Variants in C3orf22 observed in about 807,000 individuals in gnomAD.
C3orf22 encodes uncharacterized protein C3orf22.
Under a neutral mutation model 10.8 loss-of-function variants are expected in C3orf22, and 7 were observed. That is an observed-to-expected ratio of 0.65 (90% CI 0.37 to 1.22). The LOEUF is 1.22. Among genes scored for constraint, C3orf22 ranks in the 50% most tolerant of loss-of-function variants. The pLI, the probability that C3orf22 is intolerant of heterozygous loss-of-function variation, is 0.02. For synonymous variants in C3orf22, 79 were observed against 78.9 expected (o/e 1.00, Z 0.00); for missense variants, 173 against 177.0 (o/e 0.98, Z 0.13).
At chr3:126,531,211 A>G (rs142015919) in intron 4 of C3orf22, among the ~76,000 whole-genome samples, 13 of 152,302 alleles carry the variant, frequency 8.5e-5, no homozygotes, top group African/African-American at 1.9e-4. Context: ...CCACCCCCCA[A>G]CCTACTGGAC....
At chr3:126,551,922 G>A in intron 3 of C3orf22, 75 bp downstream of exon 3, 2 of 1,499,842 alleles carry the variant, frequency 1.3e-6, no homozygotes, top group South Asian at 1.3e-5. Flanking sequence ...ACGTCTGCAT[G>A]CAAAACTGGG....
chr3:126,529,113 A>C (rs1335730851), intron 5 of C3orf22: 1 of 394,426 alleles, frequency 2.5e-6, no homozygotes. Flanking sequence ...ATCCCCCTAC[A>C]TGATGGCTGT....
At chr3:126,541,721 T>G (rs777485794) in intron 4 of C3orf22, 1 of 1,444,788 alleles carries the variant, frequency 6.9e-7, no homozygotes, top group Non-Finnish European at 9.1e-7. Context: ...TCCCGTCTCC[T>G]GTCGCCCACA....
chr3:126,541,724 C>G (rs968965509), intron 4 of C3orf22: 159 of 1,446,522 alleles, frequency 1.1e-4, no homozygotes, highest in Non-Finnish European at 1.4e-4. Flanking sequence ...CGTCTCCTGT[C>G]GCCCACAGGA....
At chr3:126,542,892 C>A (rs1560145100) in intron 4 of C3orf22, 1 of 241,566 alleles carries the variant, frequency 4.1e-6, no homozygotes, top group Non-Finnish European at 7.9e-6. Context: ...CTTTTAAAGG[C>A]CATTTTGGGG....
chr3:126,534,891 C>T (rs1439778095), intron 4 of C3orf22, among the ~76,000 whole-genome samples: 1 of 151,348 alleles, frequency 6.6e-6, no homozygotes, highest in African/African-American at 2.4e-5. Flanking sequence ...TCCCTGTCCC[C>T]AGCCGGGAGA....
exon 5 of C3orf22, chr3:126,529,157 T>C: frequency 4.0e-6 from 2 of 501,174 alleles, no homozygotes; most frequent in Non-Finnish European, 7.0e-6. Flanking sequence ...AGCCCTGCTT[T>C]GGCTGAGGTG....
chr3:126,529,152 T>C (rs1206612257), exon 5 of C3orf22: 1 of 488,430 alleles, frequency 2.0e-6, no homozygotes, highest in African/African-American at 2.2e-5. Flanking sequence ...GCGCGAGCCC[T>C]GCTTTGGCTG....
At chr3:126,548,668 G>C (rs1045498666), downstream of C3orf22, among the ~76,000 whole-genome samples, 1 of 152,186 alleles carries the variant, frequency 6.6e-6, no homozygotes, top group Admixed American at 6.5e-5. Flanking sequence ...GGTCCCACCT[G>C]GGGAGGGAGC....
rs1294578031 is a variant in C3orf22 at position 126,549,807 on chromosome 3, C to A, written c.*61G>T. On this transcript the variant is annotated 3_prime_UTR_variant, in exon 4 of 4. Transcript: ENST00000318225. ...CCCTTTACTAAAGTCTCTGTGGCTACTGCCCAGAGCCTGCCAAGGAGAAGG... is the reference window on the plus strand; with the variant it reads ...CCCTTTACTAAAGTCTCTGTGGCTAATGCCCAGAGCCTGCCAAGGAGAAGG... 106 of 1,550,862 alleles carry A rather than the reference C, an allele frequency of 6.8e-5. No individual in the cohort carries two copies. Among genetic ancestry groups the A allele is most frequent in the Non-Finnish European group, 1.7e-6 (2 of 1,150,126 alleles).
At chr3:126,536,296 C>T in intron 4 of C3orf22, 1 of 1,614,036 alleles carries the variant, frequency 6.2e-7, no homozygotes, top group South Asian at 1.1e-5. Flanking sequence ...CCCTGGGCTC[C>T]AGCTGGCTTG....
downstream of C3orf22, among the ~76,000 whole-genome samples, chr3:126,547,799 C>T (rs1458117059): frequency 6.6e-6 from 1 of 152,146 alleles, no homozygotes; most frequent in Non-Finnish European, 1.5e-5. Flanking sequence ...CAGTACACCC[C>T]AGGGGACAGG....
At chr3:126,556,520 T>C (rs1937333389) in intron 1 of C3orf22, among the ~76,000 whole-genome samples, 2 of 151,218 alleles carry the variant, frequency 1.3e-5, no homozygotes, top group African/African-American at 2.4e-5. Flanking sequence ...CAGGGCCTGC[T>C]TGGGGACTGC....
rs1340465489 is a variant in C3orf22, at chr3:126,542,143, G to A, written c.286+7394C>T. The A allele has an allele frequency of 6.4e-6, 10 of 1,560,874 alleles. No individual in the cohort carries two copies. The Admixed American group carries it at 1.6e-4, about 25-fold the overall frequency. On this transcript the variant is annotated intron_variant and NMD_transcript_variant, in intron 4 of 5. Transcript: ENST00000505070. Reference sequence around the variant, plus strand: ...CGCGCCCCTACAGCGCCGCCTTCCAGAGGCGCTACGGTGCACGCATCGTTC... The same window carrying A: ...CGCGCCCCTACAGCGCCGCCTTCCAAAGGCGCTACGGTGCACGCATCGTTC...
At chr3:126,553,198 AC>A in intron 2 of C3orf22, 103 bp downstream of exon 2, 1 of 860,076 alleles carries the variant, frequency 1.2e-6, no homozygotes, top group Non-Finnish European at 2.0e-6. Flanking sequence ...TGTGGACAAA[AC>A]CCCCTCCCAG....
intron 4 of C3orf22, among the ~76,000 whole-genome samples, chr3:126,544,282 T>C (rs1241694905): frequency 1.3e-5 from 2 of 152,160 alleles, no homozygotes; most frequent in Non-Finnish European, 2.9e-5. Context: ...CCAGAGCCCC[T>C]GTCAGCAAGA....
chr3:126,531,772 T>C (rs1321033143), intron 4 of C3orf22, among the ~76,000 whole-genome samples: 1 of 152,248 alleles, frequency 6.6e-6, no homozygotes, highest in Non-Finnish European at 1.5e-5. Context: ...GATGGGAACA[T>C]TTGTGAACAA....
chr3:126,529,770 C>G (rs1474225647), intron 4 of C3orf22, among the ~76,000 whole-genome samples: 1 of 152,184 alleles, frequency 6.6e-6, no homozygotes, highest in Admixed American at 6.5e-5. Context: ...CTCCCATCAT[C>G]CTGTCCCCCT....
intron 4 of C3orf22, among the ~76,000 whole-genome samples, chr3:126,540,511 T>G (rs1414522727): frequency 6.6e-6 from 1 of 152,230 alleles, no homozygotes; most frequent in Non-Finnish European, 1.5e-5. Flanking sequence ...GACTGTACTA[T>G]TCGCTTGGCA....
Sources: allele counts gnomAD v4.1 joint callset (sites outside exome capture counted in the v4.1 genomes callset), GRCh38; gene constraint gnomAD v4.1.1; transcripts MANE v1.5; gene names NCBI Gene and HGNC (gene_info 2026-07-23, HGNC 2026-07-21).